Variants in CSNK1D observed in about 807,000 individuals in gnomAD.
The protein encoded by CSNK1D is casein kinase 1 delta.
In CSNK1D, 16 loss-of-function variants were observed where a neutral mutation model predicts 46.6. The ratio of observed to expected loss-of-function variants is 0.34; its 90% CI spans 0.23 to 0.52. The LOEUF is 0.52. CSNK1D is among the 20% of genes least tolerant of loss of function. The probability of loss-of-function intolerance (pLI) is 0.95; values close to 1 mark genes in which losing one functional copy is unlikely to be tolerated. For synonymous variants in CSNK1D, 276 were observed against 228.2 expected (o/e 1.21, Z -1.89); for missense variants, 398 against 578.4 (o/e 0.69, Z 3.20).
rs1321954554 is a variant in CSNK1D, at chr17:82,251,588, G to C, written c.737-61C>G. 3.2e-6 allele frequency: 5 copies of C among 1,564,194 alleles called. No individual in the cohort carries two copies. The East Asian group carries it at 6.7e-5, about 21-fold the overall frequency. The stretch of plus-strand genomic sequence containing the variant: ...CCCAACTGCGACTCAAGGTGTCTCT[G>C]CCAACGTCGCTGTCTACCTCCTGCT... On this transcript the variant is annotated intron_variant, in intron 5 of 8. Transcript: ENST00000314028. This position sits in a 1 kb window ranked among gnomAD's most constrained non-coding sequence, Gnocchi z 4.5.
intron 3 of CSNK1D, chr17:82,253,513 C>T (rs1299401395): frequency 2.1e-6 from 1 of 472,606 alleles, no homozygotes; most frequent in African/African-American, 2.0e-5. Flanking sequence ...GAGGGGACAA[C>T]CCGCCACTAG....
chr17:82,268,274 G>C (rs553672865), intron 1 of CSNK1D, among the ~76,000 whole-genome samples: 1 of 152,190 alleles, frequency 6.6e-6, no homozygotes, highest in African/African-American at 2.4e-5. Context: ...CAAGGTCGCT[G>C]AGCACTGCTC....
intron 2 of CSNK1D, among the ~76,000 whole-genome samples, chr17:82,259,373 C>A (rs2051266562): frequency 6.6e-6 from 1 of 152,200 alleles, no homozygotes; most frequent in Non-Finnish European, 1.5e-5. Flanking sequence ...CCAGTAACAG[C>A]AGTTTTATTT....
intron 3 of CSNK1D, among the ~76,000 whole-genome samples, chr17:82,254,888 CCAG>C (rs2051129682): frequency 2.2e-5 from 3 of 138,556 alleles, no homozygotes; most frequent in Non-Finnish European, 4.8e-5. Context: ...CCTCGAGAAG[CCAG>C]TCAGCTGAGC....
At chr17:82,240,625 A>G (rs1230168888), downstream of CSNK1D, among the ~76,000 whole-genome samples, 1 of 151,714 alleles carries the variant, frequency 6.6e-6, no homozygotes, top group East Asian at 1.9e-4. Flanking sequence ...CTCAACTGTC[A>G]CCCCTCGTCT....
At chr17:82,246,461 A>C in intron 8 of CSNK1D, 1 of 1,130,028 alleles carries the variant, frequency 8.8e-7, no homozygotes, top group Non-Finnish European at 1.1e-6. Context: ...AAAGCGAGTC[A>C]TCGACTGTTG....
intron 2 of CSNK1D, 89 bp downstream of exon 2, chr17:82,265,597 T>C (rs1321876132): frequency 1.9e-5 from 20 of 1,037,132 alleles, no homozygotes; most frequent in Non-Finnish European, 2.9e-5. Context: ...AGAACCAGTT[T>C]TGGGTTTATT....
chr17:82,271,645 T>C (rs1253034828), intron 1 of CSNK1D, among the ~76,000 whole-genome samples: 1 of 152,234 alleles, frequency 6.6e-6, no homozygotes, highest in Non-Finnish European at 1.5e-5. Flanking sequence ...AGCAACAATA[T>C]GGCATGTGAC....
chr17:82,249,299 C>T lies in CSNK1D; in HGVS notation c.1057+132G>A. The T allele has an allele frequency of 9.7e-7, 1 of 1,028,590 alleles. No homozygotes were observed. The highest frequency in any genetic ancestry group is 1.4e-6 in the Non-Finnish European group (1 of 711,258). The allele number at this position is 1,028,590 out of a possible 1,614,324, so 63.7% of individuals were successfully genotyped here. A position where few individuals can be genotyped will look rare whatever the true frequency, so the allele number is the denominator to read the frequency against. ...CGCCTGGGCAGCCTGGCTCATCCAC[C>T]CTCAGGAGCGAGCATCGCCTGACAC... On this transcript the variant is annotated intron_variant, in intron 7 of 8. Transcript: ENST00000314028. This position sits in a 1 kb window ranked among gnomAD's most constrained non-coding sequence, Gnocchi z 6.7.
rs778607670 is a variant in CSNK1D at position 82,253,290 on chromosome 17, AG to A, written c.337-47del. 2.1e-6 allele frequency: 3 copies of A among 1,446,812 alleles called. No homozygotes were observed. In the South Asian group the frequency reaches 3.4e-5, roughly 17 times the overall value. 89.6% of individuals were successfully genotyped at this position (1,446,812 alleles called of 1,614,324 possible). ...CGAGATGGCACCCCAGGGCAGTCTC[AG>A]GGAGGGACCGCTCAACTGTGGGACA... On this transcript the variant is annotated intron_variant, in intron 3 of 8. Transcript: ENST00000314028.
At chr17:82,269,312 C>T (rs911193111) in intron 1 of CSNK1D, among the ~76,000 whole-genome samples, 1 of 152,120 alleles carries the variant, frequency 6.6e-6, no homozygotes, top group Non-Finnish European at 1.5e-5. Flanking sequence ...ACCACGACTT[C>T]TCATTACAGA....
intron 2 of CSNK1D, among the ~76,000 whole-genome samples, chr17:82,256,698 A>G (rs1388217356): frequency 3.9e-5 from 6 of 152,236 alleles, no homozygotes; most frequent in South Asian, 2.1e-4. Context: ...CAAATGCTGC[A>G]GCAACAGGTG....
rs1337170240 is a variant in CSNK1D, at chr17:82,243,626, C to T, written c.*1155G>A. On this transcript the variant is annotated 3_prime_UTR_variant, in exon 9 of 9. Coordinates refer to ENST00000314028, the MANE Select transcript of CSNK1D (RefSeq NM_001893.6). ...GTTCTGGGTCCGGTTGGGAGAGTCA[C>T]CTGCTCCTTGGCACCTCAGGGTGGG... The T allele has an allele frequency of 2.0e-6, 2 of 985,534 alleles. No homozygotes were observed. The highest frequency in any genetic ancestry group is 2.4e-6 in the Non-Finnish European group (2 of 829,972). The allele number at this position is 985,534 out of a possible 1,614,324, so 61.0% of individuals were successfully genotyped here.
Position 82,255,378 on chromosome 17 carries a change from T to G in CSNK1D, c.336+51A>C. The stretch of plus-strand genomic sequence containing the variant: ...GGCAAGAACAGCACAAGCGAGTGGC[T>G]GATTCTATCAGACAGCAAGTGTGTG... On this transcript the variant is annotated intron_variant, in intron 3 of 8. Coordinates refer to ENST00000314028, the MANE Select transcript of CSNK1D (RefSeq NM_001893.6). The surrounding 1 kb of genome is among the most constrained non-coding windows in gnomAD (Gnocchi z 5.9). The G allele has an allele frequency of 1.9e-6, 3 of 1,604,234 alleles. No individual in the cohort carries two copies. The highest frequency in any genetic ancestry group is 2.6e-6 in the Non-Finnish European group (3 of 1,171,032).
intron 1 of CSNK1D, among the ~76,000 whole-genome samples, chr17:82,269,087 A>C (rs1290407218): frequency 6.9e-6 from 1 of 144,410 alleles, no homozygotes; most frequent in Non-Finnish European, 1.5e-5. Flanking sequence ...ACAGAATGAT[A>C]CTTTGTCTTA....
chr17:82,268,682 C>T (rs1393979928), intron 1 of CSNK1D, among the ~76,000 whole-genome samples: 3 of 152,180 alleles, frequency 2.0e-5, no homozygotes, highest in African/African-American at 7.2e-5. Flanking sequence ...TTCAACTCTT[C>T]CCTGCAGCTC....
At chr17:82,245,248 C>A (rs570287341) in intron 8 of CSNK1D, 67 of 336,902 alleles carry the variant, frequency 2.0e-4, no homozygotes, top group East Asian at 1.7e-3. Context: ...GGTCTCCCAG[C>A]GGCACAGACC....
In CSNK1D at chr17:82,255,818, G is replaced by A. The variant is rs1435511986; in HGVS notation, c.188-241C>T. ...GCCAAGCAGACAGGAGCTGTAAGGG[G>A]GACAAGGAGGGGATCGAAGCCCCAC... On this transcript the variant is annotated intron_variant, in intron 2 of 8. Transcript: ENST00000314028. The surrounding 1 kb of genome is among the most constrained non-coding windows in gnomAD (Gnocchi z 5.9). 6.6e-6 allele frequency among the ~76,000 whole-genome samples: 1 copy of A among 152,202 alleles called. No homozygotes were observed. Among genetic ancestry groups the A allele is most frequent in the African/African-American group, 2.4e-5 (1 of 41,458 alleles).
rs2147164649 is a variant in CSNK1D at position 82,249,720 on chromosome 17, G to A, written c.886-118C>T. On this transcript the variant is annotated intron_variant, in intron 6 of 8. Transcript: ENST00000314028. The surrounding 1 kb of genome is among the most constrained non-coding windows in gnomAD (Gnocchi z 6.7). ...TACCAAAGGGCACTGGGACGAGACT[G>A]CCTGCAAAGCCCCCCACAGGCTGCA... The A allele has an allele frequency of 1.3e-6, 2 of 1,518,156 alleles. No individual in the cohort carries two copies. Among genetic ancestry groups the A allele is most frequent in the East Asian group, 4.9e-5 (2 of 40,632 alleles). The allele number at this position is 1,518,156 out of a possible 1,614,324, so 94.0% of individuals were successfully genotyped here. A position where few individuals can be genotyped will look rare whatever the true frequency, so the allele number is the denominator to read the frequency against.
Sources: allele counts gnomAD v4.1 joint callset (sites outside exome capture counted in the v4.1 genomes callset), GRCh38; gene constraint gnomAD v4.1.1; non-coding constraint Gnocchi (gnomAD v3.1); transcripts MANE v1.5; gene names NCBI Gene and HGNC (gene_info 2026-07-23, HGNC 2026-07-21).